The following SLC10A7 variants were observed in gnomAD, a reference collection of about 807,000 sequenced individuals.
SLC10A7 encodes solute carrier family 10 member 7.
Under a neutral mutation model 43.2 loss-of-function variants are expected in SLC10A7, and 29 were observed. The observed-to-expected ratio is 0.67, with a 90% CI of 0.50 to 0.92. The LOEUF is 0.92. Ranked by LOEUF, SLC10A7 falls within the 40% of genes least tolerant of loss-of-function variation. The probability of loss-of-function intolerance (pLI) is 0.00; values close to 1 mark genes in which losing one functional copy is unlikely to be tolerated. For synonymous variants in SLC10A7, 152 were observed against 144.8 expected, an observed-to-expected ratio of 1.05 and a Z score of -0.35; for missense variants, 295 against 403.2, an observed-to-expected ratio of 0.73 and a Z score of 2.30.
At chr4:146,340,266 A>G (rs1734168702) in intron 5 of SLC10A7, among the ~76,000 whole-genome samples, 1 of 151,892 alleles carries the variant, frequency 6.6e-6, no homozygotes, top group South Asian at 2.1e-4. Flanking sequence ...AGGCAATAAT[A>G]GCAAAAGGAA....
At chr4:146,295,300 G>GGTTA (rs1730704980) in intron 7 of SLC10A7, among the ~76,000 whole-genome samples, 1 of 152,024 alleles carries the variant, frequency 6.6e-6, no homozygotes, top group African/African-American at 2.4e-5. Context: ...AAATCCTGAA[G>GGTTA]GTTAGGTGGG....
At position 146,293,979 on chromosome 4, in the gene SLC10A7, G is replaced by C; in HGVS notation, c.672C>G (p.Asn224Lys). Residue 224 changes from asparagine to lysine, a missense_variant, in exon 8 of 12, where the codon AAC becomes AAG. Asn to Lys is a moderately conservative substitution (Grantham distance 94). This residue lies in a region of SLC10A7 where 242 missense variants were observed against 362.5 expected (regional missense o/e 0.67). Transcript: ENST00000335472. ...TGAATTTATCCAGGTCAATATTTGG[G>C]TTAGAGAACGTGTCACAGAATGTTG... ...IYTTFCDTFS[N>K]PNIDLDKFSL... 8 of 1,613,390 alleles carry C rather than the reference G, an allele frequency of 5.0e-6. No individual in the cohort carries two copies. The highest frequency in any genetic ancestry group is 6.8e-6 in the Non-Finnish European group (8 of 1,179,506).
At chr4:146,316,360 G>C (rs549334969) in intron 6 of SLC10A7, among the ~76,000 whole-genome samples, 1 of 152,172 alleles carries the variant, frequency 6.6e-6, no homozygotes, top group South Asian at 2.1e-4. Context: ...GCTGGTATTG[G>C]GAGACAGGAC....
chr4:146,272,164 A>G (rs539808002), intron 10 of SLC10A7, among the ~76,000 whole-genome samples: 4 of 152,300 alleles, frequency 2.6e-5, no homozygotes, highest in African/African-American at 9.6e-5. Context: ...TGAATGGATG[A>G]TGTAGATTAT....
At chr4:146,391,056 G>A (rs1738392096) in intron 5 of SLC10A7, among the ~76,000 whole-genome samples, 1 of 152,118 alleles carries the variant, frequency 6.6e-6, no homozygotes, top group African/African-American at 2.4e-5. Context: ...TGTGTGTTGT[G>A]TAATTAAAAT....
intron 5 of SLC10A7, among the ~76,000 whole-genome samples, chr4:146,348,880 G>A (rs538842386): frequency 7.2e-5 from 11 of 152,180 alleles, no homozygotes; most frequent in Admixed American, 5.9e-4. Context: ...GTTAGATCCC[G>A]TGCCATATTA....
intron 10 of SLC10A7, among the ~76,000 whole-genome samples, chr4:146,272,973 T>C (rs528003584): frequency 6.6e-6 from 1 of 152,262 alleles, no homozygotes; most frequent in African/African-American, 2.4e-5. Flanking sequence ...CCTCATTACT[T>C]TGGAATTCCC....
intron 5 of SLC10A7, among the ~76,000 whole-genome samples, chr4:146,388,369 T>C (rs1225800244): frequency 6.6e-6 from 1 of 152,030 alleles, no homozygotes; most frequent in Non-Finnish European, 1.5e-5. Context: ...TGGAGAACCA[T>C]ATACAGAAAA....
chr4:146,504,518 CAAAAAAAAAAAA>C (rs5862761), intron 3 of SLC10A7, among the ~76,000 whole-genome samples: 2 of 88,574 alleles, frequency 2.3e-5, no homozygotes, highest in East Asian at 6.9e-4. Context: ...GACTCCGTCT[CAAAAAAAAAAAA>C]AAAAAAAAGA....
intron 1 of SLC10A7, 56 bp downstream of exon 1, chr4:146,521,562 A>G (rs933705457): frequency 1.6e-5 from 23 of 1,477,722 alleles, no homozygotes; most frequent in Non-Finnish European, 2.1e-5. Flanking sequence ...TCCAAGACTC[A>G]CAAATTAGTT....
chr4:146,263,216 C>T (rs555970533), intron 10 of SLC10A7, among the ~76,000 whole-genome samples: 1 of 152,180 alleles, frequency 6.6e-6, no homozygotes, highest in Non-Finnish European at 1.5e-5. Context: ...CCAAGGTGGC[C>T]TTTAGATCCT....
intron 5 of SLC10A7, among the ~76,000 whole-genome samples, chr4:146,332,532 C>G (rs1476262683): frequency 6.6e-6 from 1 of 152,124 alleles, no homozygotes; most frequent in Non-Finnish European, 1.5e-5. Context: ...TACCTCCTAC[C>G]TTGCTCACTG....
chr4:146,380,992 T>A (rs921020691), intron 5 of SLC10A7, among the ~76,000 whole-genome samples: 8 of 152,134 alleles, frequency 5.3e-5, no homozygotes, highest in Non-Finnish European at 8.8e-5. Context: ...TTACAGAATT[T>A]TAAAATTTAT....
chr4:146,486,571 C>T (rs1016463966), intron 4 of SLC10A7, among the ~76,000 whole-genome samples: 1 of 152,110 alleles, frequency 6.6e-6, no homozygotes, highest in African/African-American at 2.4e-5. Flanking sequence ...TCTTACAGTT[C>T]CAGATGCCAT....
At chr4:146,272,655 C>T (rs1408108684) in intron 10 of SLC10A7, among the ~76,000 whole-genome samples, 1 of 152,066 alleles carries the variant, frequency 6.6e-6, no homozygotes, top group East Asian at 1.9e-4. Context: ...TCTGAAAGGA[C>T]AATTGTTTTT....
intron 5 of SLC10A7, among the ~76,000 whole-genome samples, chr4:146,440,328 G>C (rs1259946517): frequency 6.6e-6 from 1 of 151,042 alleles, no homozygotes. Flanking sequence ...CTTTCACCCA[G>C]GCTGGAGTAG....
chr4:146,418,026 T>TGATGAC (rs1396689817), intron 5 of SLC10A7, among the ~76,000 whole-genome samples: 1 of 151,412 alleles, frequency 6.6e-6, no homozygotes, highest in Non-Finnish European at 1.5e-5. Flanking sequence ...ATGATGATGA[T>TGATGAC]GATGATGATG....
intron 5 of SLC10A7, among the ~76,000 whole-genome samples, chr4:146,423,262 C>T (rs1729087269): frequency 6.6e-6 from 1 of 152,032 alleles, no homozygotes; most frequent in East Asian, 1.9e-4. Flanking sequence ...AATAAATTTC[C>T]TTTGCAACTA....
intron 4 of SLC10A7, among the ~76,000 whole-genome samples, chr4:146,482,489 T>C (rs1383921014): frequency 7.9e-5 from 12 of 151,356 alleles, no homozygotes; most frequent in Admixed American, 7.9e-4. Flanking sequence ...AAATGAAATA[T>C]AGAGCCTCAA....
Sources: gnomAD v4.1 joint callset for allele counts (sites outside exome capture counted in the v4.1 genomes callset) on GRCh38, gnomAD v4.1.1 for gene constraint, gnomAD v4.1.1 regional missense constraint, MANE v1.5 for transcripts, NCBI Gene and HGNC (gene_info 2026-07-23, HGNC 2026-07-21) for gene names.